Variants in FOCAD observed in about 807,000 individuals in gnomAD.
FOCAD encodes the protein focadhesin.
FOCAD carries 198 observed loss-of-function variants against 225.6 expected under a neutral mutation model. The observed-to-expected ratio is 0.88, with a 90% CI of 0.78 to 0.99. The LOEUF is 0.99. Ranked by LOEUF, FOCAD falls within the 50% of genes least tolerant of loss-of-function variation. The pLI, the probability that FOCAD is intolerant of heterozygous loss-of-function variation, is 0.00. For synonymous variants in FOCAD, 897 were observed against 755.0 expected (o/e 1.19, Z -3.08); for missense variants, 2,713 against 2,123.6 (o/e 1.28, Z -5.46).
At chr9:20,767,548 TTTTGATTTGCA>T (rs1475566136) in intron 7 of FOCAD, among the ~76,000 whole-genome samples, 54 of 151,774 alleles carry the variant, frequency 3.6e-4, no homozygotes, top group African/African-American at 1.3e-3. Flanking sequence ...CTCATTGTGG[TTTTGATTTGCA>T]TTTCTCTGAT....
In FOCAD at chr9:20,717,792, AG is replaced by A. The variant is rs1428434648; in HGVS notation, c.58del. On this transcript the variant is annotated splice_acceptor_variant, in intron 2 of 43. Coordinates refer to ENST00000338382, the MANE Select transcript of FOCAD (RefSeq NM_001375567.1). LOFTEE classifies it high-confidence loss of function. ...TGTTCATTAATTTTATTTCTTTTTA[AG>A]GCTGTGGGTCATCTTATTGCTGCAG... The A allele has an allele frequency of 1.2e-6, 2 of 1,609,772 alleles. No individual in the cohort carries two copies. Among genetic ancestry groups the A allele is most frequent in the Non-Finnish European group, 1.7e-6 (2 of 1,177,884 alleles).
chr9:20,819,474 A>G (rs1251219237), intron 11 of FOCAD, among the ~76,000 whole-genome samples: 1 of 152,090 alleles, frequency 6.6e-6, no homozygotes, highest in African/African-American at 2.4e-5. Flanking sequence ...TTGCGTTCTC[A>G]AAGTGCTGGG....
At chr9:20,665,417 A>C (rs1203781522) in intron 2 of FOCAD, among the ~76,000 whole-genome samples, 1 of 152,210 alleles carries the variant, frequency 6.6e-6, no homozygotes, top group East Asian at 1.9e-4. Context: ...ATGACGAATC[A>C]GCTAATTCAT....
rs1469852567 is a variant in FOCAD, at chr9:20,951,014, G to A, written c.3967G>A (p.Val1323Met). 1.2e-6 allele frequency: 2 copies of A among 1,613,290 alleles called. No individual in the cohort carries two copies. Among genetic ancestry groups the A allele is most frequent in the Non-Finnish European group, 1.7e-6 (2 of 1,179,366 alleles). The change falls in exon 34 of 44, where the codon GTG becomes ATG. Residue 1323 changes from valine to methionine, a missense_variant. Coordinates refer to ENST00000338382, the MANE Select transcript of FOCAD (RefSeq NM_001375567.1). Reference protein sequence around the residue: ...TLTQVISVSGVIGLQSNAVWL... With the variant: ...TLTQVISVSGMIGLQSNAVWL... ...TTTGTAGGTCATTAGTGTCTCTGGG[G>A]TGATTGGTCTCCAGTCAAATGCAGT... is the stretch of plus-strand genomic sequence containing the variant.
At chr9:20,897,279 T>A (rs572880309) in intron 21 of FOCAD, among the ~76,000 whole-genome samples, 12 of 151,944 alleles carry the variant, frequency 7.9e-5, no homozygotes, top group African/African-American at 2.6e-4. Context: ...TCTGTATGTG[T>A]CTTTACATTA....
intron 23 of FOCAD, among the ~76,000 whole-genome samples, chr9:20,915,643 C>A (rs1833806771): frequency 6.6e-6 from 1 of 152,114 alleles, no homozygotes; most frequent in Non-Finnish European, 1.5e-5. Flanking sequence ...ATCTTTTACA[C>A]AAGTTTTGAC....
At chr9:20,766,837 T>TA (rs1374942088) in intron 7 of FOCAD, among the ~76,000 whole-genome samples, 1 of 149,942 alleles carries the variant, frequency 6.7e-6, no homozygotes, top group Non-Finnish European at 1.5e-5. Context: ...CTTTTTTTTT[T>TA]ATTATACTTT....
chr9:20,660,710 C>A (rs1055605167), intron 2 of FOCAD, among the ~76,000 whole-genome samples: 1 of 152,136 alleles, frequency 6.6e-6, no homozygotes, highest in Non-Finnish European at 1.5e-5. Flanking sequence ...GAAAAGTGTT[C>A]ACTGGATGTG....
chr9:20,790,206 T>G (rs1468837295), intron 11 of FOCAD, among the ~76,000 whole-genome samples: 1 of 152,182 alleles, frequency 6.6e-6, no homozygotes, highest in Non-Finnish European at 1.5e-5. Context: ...TAAGACTTCT[T>G]TCCCCAGCCT....
In FOCAD at chr9:20,961,071, G is replaced by A. The variant is rs547986061; in HGVS notation, c.4132+8006G>A. Among the ~76,000 whole-genome samples the A allele has an allele frequency of 1.1e-4, 16 of 151,974 alleles. No homozygotes were observed. In the South Asian group the frequency reaches 2.7e-3, roughly 26 times the overall value. ...ATAAACATACATGTGCACAGAATGGGAGAAAATTTTTGCAATCTACCCATC... is the reference window on the plus strand; with the variant it reads ...ATAAACATACATGTGCACAGAATGGAAGAAAATTTTTGCAATCTACCCATC... On this transcript the variant is annotated intron_variant, in intron 35 of 43. Transcript: ENST00000338382.
chr9:20,753,642 C>A (rs1378909314), intron 5 of FOCAD, among the ~76,000 whole-genome samples: 1 of 151,896 alleles, frequency 6.6e-6, no homozygotes, highest in African/African-American at 2.4e-5. Context: ...GTGTCTCTGC[C>A]CGGCTTTGGT....
chr9:20,723,344 C>G (rs777429023), intron 4 of FOCAD, among the ~76,000 whole-genome samples: 1 of 152,078 alleles, frequency 6.6e-6, no homozygotes, highest in Non-Finnish European at 1.5e-5. Flanking sequence ...AAAAATTAGC[C>G]GGGCGTGGTG....
chr9:20,833,510 T>C (rs984626814), intron 15 of FOCAD, among the ~76,000 whole-genome samples: 5 of 152,100 alleles, frequency 3.3e-5, no homozygotes, highest in African/African-American at 7.2e-5. Flanking sequence ...AGTACCTGGC[T>C]TGCTTTTTCA....
intron 11 of FOCAD, among the ~76,000 whole-genome samples, chr9:20,800,314 C>T (rs903148739): frequency 6.6e-6 from 1 of 152,002 alleles, no homozygotes; most frequent in Admixed American, 6.6e-5. Context: ...GTGAATCTGA[C>T]AATTATGTGT....
chr9:20,898,303 A>G (rs1156350450), intron 21 of FOCAD, among the ~76,000 whole-genome samples: 1 of 151,502 alleles, frequency 6.6e-6, no homozygotes, highest in Non-Finnish European at 1.5e-5. Flanking sequence ...TCTCAAGATG[A>G]TTTCAAACAT....
intron 6 of FOCAD, among the ~76,000 whole-genome samples, chr9:20,762,997 A>G (rs765851813): frequency 6.6e-6 from 1 of 152,192 alleles, no homozygotes; most frequent in Non-Finnish European, 1.5e-5. Flanking sequence ...ACTTTCTATC[A>G]TCTAGTTCAG....
intron 15 of FOCAD, among the ~76,000 whole-genome samples, chr9:20,862,120 A>G (rs746402258): frequency 3.3e-5 from 5 of 152,126 alleles, no homozygotes; most frequent in Non-Finnish European, 7.4e-5. Flanking sequence ...TTTGATTTAT[A>G]TATATTAATA....
At chr9:20,858,166 A>G (rs2131666694) in intron 15 of FOCAD, among the ~76,000 whole-genome samples, 1 of 152,090 alleles carries the variant, frequency 6.6e-6, no homozygotes. Flanking sequence ...AGTAGGATCG[A>G]TATTAGTTCT....
intron 2 of FOCAD, among the ~76,000 whole-genome samples, chr9:20,659,669 C>T (rs1821651328): frequency 2.0e-5 from 3 of 152,210 alleles, no homozygotes; most frequent in Non-Finnish European, 4.4e-5. Flanking sequence ...TTTCTGTTGT[C>T]TAAGTCACCC....
Sources: gnomAD v4.1 joint callset for allele counts (sites outside exome capture counted in the v4.1 genomes callset) on GRCh38, gnomAD v4.1.1 for gene constraint, MANE v1.5 for transcripts, NCBI Gene and HGNC (gene_info 2026-07-23, HGNC 2026-07-21) for gene names.